SMIM7: variants seen among roughly 807,000 people sequenced by gnomAD.
The protein encoded by SMIM7 is UPF0608 protein C19orf42.
SMIM7 carries 12 observed loss-of-function variants against 13.3 expected under a neutral mutation model. The ratio of observed to expected loss-of-function variants is 0.90; its 90% confidence interval spans 0.58 to 1.46. SMIM7 has a LOEUF of 1.46. SMIM7 is among the 40% of genes most tolerant of loss of function. The pLI is 0.00. For synonymous variants in SMIM7, 36 were observed against 35.8 expected, an observed-to-expected ratio of 1.01 and a Z score of -0.02; for missense variants, 114 against 94.8, an observed-to-expected ratio of 1.20 and a Z score of -0.84.
At chr19:16,644,267 C>A (rs1252409580), downstream of SMIM7, among the ~76,000 whole-genome samples, 1 of 149,756 alleles carries the variant, frequency 6.7e-6, no homozygotes, top group Non-Finnish European at 1.5e-5. Flanking sequence ...ATTACAGGCG[C>A]ACGCCACCAC....
At chr19:16,657,392 A>G (rs867144614) in intron 3 of SMIM7, among the ~76,000 whole-genome samples, 42 of 152,312 alleles carry the variant, frequency 2.8e-4, no homozygotes, top group African/African-American at 8.7e-4. Flanking sequence ...GTGCAACTCT[A>G]GGGCCTGGTA....
intron 3 of SMIM7, 116 bp from the exon 4 acceptor site, chr19:16,654,241 C>A: frequency 1.3e-6 from 1 of 758,240 alleles, no homozygotes; most frequent in South Asian, 1.6e-5. Flanking sequence ...CCAACTTCGG[C>A]AACAGTGTGG....
chr19:16,636,899 G>A (rs533586719), intron 4 of SMIM7, among the ~76,000 whole-genome samples: 1 of 152,328 alleles, frequency 6.6e-6, no homozygotes, highest in Non-Finnish European at 1.5e-5. Context: ...GCTGCAGTGA[G>A]CTAAGATAGT....
chr19:16,645,670 T>TC (rs1180566194), downstream of SMIM7: 2 of 125,632 alleles, frequency 1.6e-5, no homozygotes, highest in Admixed American at 1.5e-4. Context: ...CTTTTTTTTT[T>TC]TTTTTTTTTG....
chr19:16,659,844 A>AGGGCGGGGCCTGCGGCTTGG (rs2086650478), intron 2 of SMIM7, 115 bp downstream of exon 2: 12 of 1,377,450 alleles, frequency 8.7e-6, no homozygotes, highest in African/African-American at 1.5e-5. Context: ...GAGGGCGGAT[A>AGGGCGGGGCCTGCGGCTTGG]GGGCGGGGCC....
intron 4 of SMIM7, among the ~76,000 whole-genome samples, chr19:16,648,265 C>T (rs962563719): frequency 2.6e-5 from 4 of 152,100 alleles, no homozygotes; most frequent in African/African-American, 4.8e-5. Context: ...CTCAGCCTCC[C>T]GAGTAGCTGG....
At chr19:16,639,692 T>C (rs1296369957) in intron 4 of SMIM7, among the ~76,000 whole-genome samples, 1 of 152,172 alleles carries the variant, frequency 6.6e-6, no homozygotes, top group African/African-American at 2.4e-5. Flanking sequence ...TGGGGGCAGG[T>C]AACTGAATCA....
chr19:16,642,178 C>A (rs888392858), downstream of SMIM7, among the ~76,000 whole-genome samples: 1 of 152,212 alleles, frequency 6.6e-6, no homozygotes, highest in Non-Finnish European at 1.5e-5. Context: ...TACACAAAAT[C>A]TGAACACAAA....
At chr19:16,636,863 G>C (rs1341630740) in intron 4 of SMIM7, among the ~76,000 whole-genome samples, 2 of 152,174 alleles carry the variant, frequency 1.3e-5, no homozygotes, top group African/African-American at 4.8e-5. Context: ...TGATGTGGGA[G>C]GACAGCTTGA....
chr19:16,645,141 A>G (rs1269472531), downstream of SMIM7: 2 of 152,166 alleles, frequency 1.3e-5, no homozygotes. Flanking sequence ...ATGAGATTCC[A>G]TTTTTAAAAT....
In SMIM7 at chr19:16,646,587, ATT is replaced by A. The variant is rs2086451008; in HGVS notation, c.*657_*658del. Reference sequence around the variant, plus strand: ...AATGAATGGCTCCCAAAGTCATTTTATTTAACAAAGGGGTCAAGGCAGAGGAA... The same window carrying A: ...AATGAATGGCTCCCAAAGTCATTTTATAACAAAGGGGTCAAGGCAGAGGAA... On this transcript the variant is annotated 3_prime_UTR_variant, in exon 5 of 5. Transcript: ENST00000487416. 1 of 154,832 alleles carries A rather than the reference ATT, an allele frequency of 6.5e-6. No homozygotes were observed. The highest frequency in any genetic ancestry group is 2.4e-5 in the African/African-American group (1 of 41,536). The allele number at this position is 154,832 out of a possible 1,614,324, so 9.6% of individuals were successfully genotyped here.
intron 3 of SMIM7, among the ~76,000 whole-genome samples, chr19:16,655,028 C>G (rs2122544197): frequency 6.6e-6 from 1 of 152,294 alleles, no homozygotes; most frequent in African/African-American, 2.4e-5. Context: ...GAGTCAGATA[C>G]TGACTCTAAC....
At chr19:16,652,484 G>A (rs1257381275) in intron 4 of SMIM7, 1 of 989,380 alleles carries the variant, frequency 1.0e-6, no homozygotes, top group Non-Finnish European at 1.2e-6. Context: ...TTACAGGCCT[G>A]AGCCACTGCC....
At chr19:16,656,709 G>T (rs1252164542) in intron 3 of SMIM7, among the ~76,000 whole-genome samples, 2 of 152,020 alleles carry the variant, frequency 1.3e-5, no homozygotes, top group Non-Finnish European at 2.9e-5. Context: ...GACCAGCCTG[G>T]CCAACATGGC....
In SMIM7 at chr19:16,647,019, G is replaced by T; in HGVS notation, c.*227C>A. The T allele has an allele frequency of 1.6e-6, 1 of 612,510 alleles. No individual in the cohort carries two copies. Among genetic ancestry groups the T allele is most frequent in the Non-Finnish European group, 2.9e-6 (1 of 344,300 alleles). The allele number at this position is 612,510 out of a possible 1,614,324, so 37.9% of individuals were successfully genotyped here. On this transcript the variant is annotated 3_prime_UTR_variant, in exon 5 of 5. Transcript: ENST00000487416. ...CATAAACGCTCCTGAAACCCTTTCA[G>T]TAGACAGCATTTCAATTCAGAGACC...
intron 4 of SMIM7, among the ~76,000 whole-genome samples, chr19:16,639,499 T>C (rs1237721721): frequency 6.6e-6 from 1 of 152,130 alleles, no homozygotes; most frequent in Non-Finnish European, 1.5e-5. Context: ...AGTAAATAGG[T>C]TCAGCTTTGC....
At chr19:16,659,255 C>G (rs753084365) in intron 3 of SMIM7, 140 bp downstream of exon 3, 1 of 823,184 alleles carries the variant, frequency 1.2e-6, no homozygotes, top group African/African-American at 1.8e-5. Flanking sequence ...TGCACTCCAA[C>G]CTGGACAACA....
intron 3 of SMIM7, among the ~76,000 whole-genome samples, chr19:16,654,897 A>G (rs2086576473): frequency 1.3e-5 from 2 of 152,036 alleles, no homozygotes; most frequent in Admixed American, 1.3e-4. Context: ...GCCCTCAGAT[A>G]TTTACTATGT....
In SMIM7 at chr19:16,647,204, C is replaced by T. The variant is rs201332068; in HGVS notation, c.*42G>A. On this transcript the variant is annotated 3_prime_UTR_variant, in exon 5 of 5. Transcript: ENST00000487416. ...CATCAGGAATGGAGGAATGGAGACT[C>T]GGCATCCCGGGAAAGTGAGTTCCTG... is the stretch of plus-strand genomic sequence containing the variant. The T allele has an allele frequency of 1.3e-4, 205 of 1,613,378 alleles. No homozygotes were observed. Among genetic ancestry groups the T allele is most frequent in the Non-Finnish European group, 1.6e-4 (186 of 1,179,704 alleles).
Sources: gnomAD v4.1 joint callset for allele counts (sites outside exome capture counted in the v4.1 genomes callset) on GRCh38, gnomAD v4.1.1 for gene constraint, MANE v1.5 for transcripts, NCBI Gene and HGNC (gene_info 2026-07-23, HGNC 2026-07-21) for gene names.